DNASE1: variants seen among roughly 807,000 people sequenced by gnomAD.
The protein encoded by DNASE1 is deoxyribonuclease-1.
In DNASE1, 40 loss-of-function variants were observed where a neutral mutation model predicts 33.9. The observed-to-expected ratio is 1.18, with a 90% CI of 0.92 to 1.54. The LOEUF (loss-of-function observed/expected upper bound fraction) is 1.54. Among genes scored for constraint, DNASE1 ranks in the 40% most tolerant of loss-of-function variants. DNASE1 has a pLI of 0.00. For missense variants in DNASE1, 518 were observed against 372.6 expected (o/e 1.39, Z -3.21); for synonymous variants, 216 against 160.0 (o/e 1.35, Z -2.64).
At chr16:3,638,984 A>T (rs1051874987), upstream of DNASE1, among the ~76,000 whole-genome samples, 4 of 152,094 alleles carry the variant, frequency 2.6e-5, no homozygotes, top group Non-Finnish European at 5.9e-5. Flanking sequence ...CATCATGCTC[A>T]TGTTTCCCTT....
upstream of DNASE1, chr16:3,654,608 C>G (rs866923365): frequency 1.0e-5 from 4 of 398,668 alleles, no homozygotes; most frequent in Non-Finnish European, 1.3e-5. Flanking sequence ...TGGGGGCCAC[C>G]ACACGTGCAA....
intron 4 of DNASE1, 148 bp from the exon 5 acceptor site, chr16:3,656,490 T>C (rs994408025): frequency 6.4e-5 from 37 of 578,374 alleles, no homozygotes; most frequent in African/African-American, 5.6e-4. Flanking sequence ...CCCGCCCTCC[T>C]GTCGCCTGGG....
intron 1 of DNASE1, among the ~76,000 whole-genome samples, chr16:3,624,787 C>T (rs145956693): frequency 8.5e-5 from 13 of 152,290 alleles, no homozygotes; most frequent in Admixed American, 7.2e-4. Flanking sequence ...CTCAAACAGT[C>T]CTCCCACCTC....
intron 1 of DNASE1, among the ~76,000 whole-genome samples, chr16:3,635,457 CAAAAAAAAAAAA>C (rs753495578): frequency 1.2e-4 from 7 of 59,692 alleles, no homozygotes; most frequent in African/African-American, 3.9e-4. Flanking sequence ...GACTCTGTCT[CAAAAAAAAAAAA>C]AAAAAAAAAA....
rs1248244873 is a variant in DNASE1 at position 3,655,463 on chromosome 16, C to T, written c.90C>T (p.Ile30=). ...CCCTGAAGATCGCAGCCTTCAACAT[C>T]CAGACATTTGGGGAGACCAAGATGT... The part of the protein sequence containing the change: ...AVSLKIAAFN[I]QTFGETKMSN... Residue 30 remains isoleucine (I), a synonymous_variant, in exon 2 of 9, where the codon ATC becomes ATT. Transcript: ENST00000246949. 3 of 1,614,038 alleles carry T rather than the reference C, an allele frequency of 1.9e-6. No individual in the cohort carries two copies. Among genetic ancestry groups the T allele is most frequent in the South Asian group, 1.1e-5 (1 of 91,090 alleles).
At chr16:3,623,645 G>C (rs1165686039) in intron 1 of DNASE1, among the ~76,000 whole-genome samples, 1 of 152,102 alleles carries the variant, frequency 6.6e-6, no homozygotes, top group African/African-American at 2.4e-5. Context: ...ATTAGTAAGT[G>C]AGCAAAGGCT....
upstream of DNASE1, among the ~76,000 whole-genome samples, chr16:3,639,193 A>G (rs2041961327): frequency 2.0e-5 from 3 of 152,216 alleles, no homozygotes; most frequent in African/African-American, 7.2e-5. Context: ...TGATACTGGA[A>G]CATTTCTCCC....
At chr16:3,663,125 G>C in exon 10 of DNASE1, 1 of 683,496 alleles carries the variant, frequency 1.5e-6, no homozygotes, top group East Asian at 2.7e-5. Context: ...AACCTCAAAG[G>C]ATGCTTCAGG....
At chr16:3,628,019 T>G (rs1200667513) in intron 1 of DNASE1, among the ~76,000 whole-genome samples, 3 of 151,994 alleles carry the variant, frequency 2.0e-5, no homozygotes. Flanking sequence ...TTGGGAGTAT[T>G]GACATCTTAA....
chr16:3,657,053 CCGAGAT>C lies in DNASE1; in HGVS notation c.495_500del (p.Glu165_Ile166del). On this transcript the variant is annotated inframe_deletion, in exon 6 of 9. Coordinates refer to ENST00000246949, the MANE Select transcript of DNASE1 (RefSeq NM_005223.4). ...CATGCGGCCCCGGGGGACGCAGTAG[CCGAGAT>C]CGACGCTCTCTATGACGTCTACCTG... is the stretch of plus-strand genomic sequence containing the variant. The C allele has an allele frequency of 6.2e-7, 1 of 1,614,002 alleles. No homozygotes were observed. Among genetic ancestry groups the C allele is most frequent in the South Asian group, 1.1e-5 (1 of 91,076 alleles).
rs1468529832 is a variant in DNASE1 at position 3,656,187 on chromosome 16, TGGGTG to T, written c.320+4_320+8del. On this transcript the variant is annotated splice_donor_5th_base_variant and intron_variant, in intron 4 of 8. Transcript: ENST00000246949. ...GGAGCGCTACCTGTTCGTGTACAGG[TGGGTG>T]GTCTAGAAAGCCAGGAAGCCCCTCC... is the stretch of plus-strand genomic sequence containing the variant. 6.2e-7 allele frequency: 1 copy of T among 1,613,740 alleles called. No individual in the cohort carries two copies. The highest frequency in any genetic ancestry group is 8.5e-7 in the Non-Finnish European group (1 of 1,179,922).
chr16:3,623,821 A>G (rs571723445), intron 1 of DNASE1, among the ~76,000 whole-genome samples: 3 of 152,326 alleles, frequency 2.0e-5, no homozygotes, highest in East Asian at 3.9e-4. Flanking sequence ...TCACATCAGT[A>G]ATCATCAGAG....
chr16:3,656,020 A>C, intron 3 of DNASE1, 82 bp from the exon 4 acceptor site: 2 of 1,609,550 alleles, frequency 1.2e-6, no homozygotes, highest in South Asian at 2.2e-5. Flanking sequence ...AAGGGTGGGG[A>C]CCTGGGCACA....
chr16:3,653,034 C>T (rs977455534), upstream of DNASE1: 2 of 152,252 alleles, frequency 1.3e-5, no homozygotes, highest in Non-Finnish European at 2.9e-5. Context: ...AGCCCTGGAA[C>T]CTCTGAATGT....
chr16:3,618,880 A>G (rs1363142722), intron 1 of DNASE1, among the ~76,000 whole-genome samples: 1 of 152,144 alleles, frequency 6.6e-6, no homozygotes, highest in African/African-American at 2.4e-5. Context: ...TTTAGTGACA[A>G]GGTCTCATTT....
downstream of DNASE1, chr16:3,659,054 G>GT (rs1348666718): frequency 8.3e-6 from 5 of 603,412 alleles, no homozygotes; most frequent in African/African-American, 9.4e-5. Flanking sequence ...AGAATCAGGA[G>GT]TGTCAGTATT....
upstream of DNASE1, among the ~76,000 whole-genome samples, chr16:3,638,743 T>C (rs1314550946): frequency 6.6e-6 from 1 of 152,244 alleles, no homozygotes; most frequent in Non-Finnish European, 1.5e-5. Flanking sequence ...CTCTTTGTTT[T>C]TCTTCTAGGA....
Position 3,655,518 on chromosome 16 carries a change from C to T in DNASE1, c.145C>T (p.Gln49Ter), listed in dbSNP as rs1372115778. ...SNATLVSYIV[Q>*]ILSRYDIALV... ...TGCCACCCTCGTCAGCTACATTGTG[C>T]AGGTGAGGCCAGGGCAGCCTCCCCC... The change falls in exon 2 of 9, where the codon CAG becomes TAG. Residue 49 changes from glutamine (Q) to a stop codon, truncating the protein, a stop_gained and splice_region_variant. Coordinates refer to ENST00000246949, the MANE Select transcript of DNASE1 (RefSeq NM_005223.4). LOFTEE classifies it high-confidence loss of function. 1 of 1,614,048 alleles carries T rather than the reference C, an allele frequency of 6.2e-7. No homozygotes were observed. The highest frequency in any genetic ancestry group is 8.5e-7 in the Non-Finnish European group (1 of 1,180,026).
downstream of DNASE1, chr16:3,658,281 A>ATTTT: frequency 8.2e-7 from 1 of 1,216,394 alleles, no homozygotes; most frequent in Non-Finnish European, 1.2e-6. Context: ...GCACCTTTTC[A>ATTTT]TTTTTTTTTT....
Sources: gnomAD v4.1 joint callset for allele counts (sites outside exome capture counted in the v4.1 genomes callset) on GRCh38, gnomAD v4.1.1 for gene constraint, MANE v1.5 for transcripts, NCBI Gene and HGNC (gene_info 2026-07-23, HGNC 2026-07-21) for gene names.